HCRTR2: variants seen among roughly 807,000 people sequenced by gnomAD.
HCRTR2 encodes orexin receptor type 2.
A neutral mutation model predicts 49.0 loss-of-function variants in HCRTR2; 22 were observed. That is an observed-to-expected ratio of 0.45 (90% CI 0.32 to 0.64). The LOEUF (loss-of-function observed/expected upper bound fraction) is 0.64. HCRTR2 is among the 30% of genes least tolerant of loss of function. The pLI is 0.04. For synonymous variants in HCRTR2, 236 were observed against 205.3 expected, an observed-to-expected ratio of 1.15 and a Z score of -1.28; for missense variants, 491 against 559.4, an observed-to-expected ratio of 0.88 and a Z score of 1.23.
At chr6:55,240,049 T>A (rs1766295032) in intron 1 of HCRTR2, among the ~76,000 whole-genome samples, 1 of 151,942 alleles carries the variant, frequency 6.6e-6, no homozygotes, top group Non-Finnish European at 1.5e-5. Context: ...AGTGCCGGGA[T>A]TACAGGTGTG....
chr6:55,157,688 A>C (rs1396586579), intron 1 of HCRTR2, among the ~76,000 whole-genome samples: 1 of 152,212 alleles, frequency 6.6e-6, no homozygotes, highest in Admixed American at 6.5e-5. Flanking sequence ...GCAAAGAGAG[A>C]GTGACTCTGT....
intron 1 of HCRTR2, among the ~76,000 whole-genome samples, chr6:55,211,422 T>C (rs80116551): frequency 0.011 from 1,702 of 152,306 alleles, 34 homozygotes; most frequent in African/African-American, 0.039. Context: ...GGAATTAATA[T>C]GCTGCTCAGT....
chr6:55,142,857 G>A (rs920218214), intron 1 of HCRTR2, among the ~76,000 whole-genome samples: 3 of 150,872 alleles, frequency 2.0e-5, no homozygotes, highest in Admixed American at 6.6e-5. Context: ...GTGGTCAACA[G>A]AAAAAAAAAT....
intron 1 of HCRTR2, among the ~76,000 whole-genome samples, chr6:55,127,128 AT>A (rs1195797946): frequency 1.3e-5 from 2 of 152,028 alleles, no homozygotes; most frequent in Non-Finnish European, 1.5e-5. Flanking sequence ...GGAAAAAAAA[AT>A]TTCTGCAGCT....
At chr6:55,250,618 AG>A (rs1175747877) in intron 2 of HCRTR2, among the ~76,000 whole-genome samples, 1 of 152,182 alleles carries the variant, frequency 6.6e-6, no homozygotes, top group African/African-American at 2.4e-5. Flanking sequence ...TCTGCAGAGC[AG>A]GCATCTCAGA....
intron 1 of HCRTR2, among the ~76,000 whole-genome samples, chr6:55,200,262 TG>T (rs1443235705): frequency 6.0e-5 from 9 of 151,240 alleles, no homozygotes; most frequent in African/African-American, 1.7e-4. Flanking sequence ...TGTGTGTGTG[TG>T]TGTGTGTGTG....
intron 1 of HCRTR2, among the ~76,000 whole-genome samples, chr6:55,133,662 C>CT (rs892615222): frequency 8.0e-4 from 119 of 148,778 alleles, no homozygotes; most frequent in Admixed American, 2.5e-3. Context: ...ATCTATCTAT[C>CT]ATCTATCTAT....
intron 4 of HCRTR2, among the ~76,000 whole-genome samples, chr6:55,272,946 T>C (rs1767002716): frequency 6.8e-6 from 1 of 146,928 alleles, no homozygotes; most frequent in Non-Finnish European, 1.5e-5. Context: ...GCAGGAGGCA[T>C]AGTGAGAAGA....
chr6:55,227,099 G>A (rs1186007466), intron 1 of HCRTR2, among the ~76,000 whole-genome samples: 1 of 151,622 alleles, frequency 6.6e-6, no homozygotes, highest in Admixed American at 6.6e-5. Flanking sequence ...TCTGTTACTT[G>A]GATTCATTAC....
intron 3 of HCRTR2, among the ~76,000 whole-genome samples, chr6:55,259,531 T>A (rs1241327754): frequency 6.6e-6 from 1 of 150,906 alleles, no homozygotes; most frequent in Non-Finnish European, 1.5e-5. Flanking sequence ...GATAACATGC[T>A]GGCTGAATAA....
At chr6:55,260,339 C>A (rs1766731289) in intron 3 of HCRTR2, among the ~76,000 whole-genome samples, 1 of 152,168 alleles carries the variant, frequency 6.6e-6, no homozygotes, top group Admixed American at 6.6e-5. Context: ...TCTTAGGTGC[C>A]TGGGAAGTGC....
intron 1 of HCRTR2, among the ~76,000 whole-genome samples, chr6:55,165,422 A>G (rs1263837178): frequency 2.0e-5 from 3 of 152,088 alleles, no homozygotes; most frequent in Non-Finnish European, 4.4e-5. Flanking sequence ...ATAATTGGGT[A>G]TGCAAAAAAT....
upstream of HCRTR2, chr6:55,174,432 T>C: frequency 1.4e-6 from 1 of 712,354 alleles, no homozygotes; most frequent in Non-Finnish European, 2.5e-6. Context: ...GGCAGAAGAC[T>C]CCGGAGGCAT....
At position 55,183,767 on chromosome 6, in the gene HCRTR2, A is replaced by G. The variant is rs187130783; in HGVS notation, c.223+8957A>G. On this transcript the variant is annotated intron_variant, in intron 1 of 6. Transcript: ENST00000370862. Reference sequence around the variant, plus strand: ...AATTCTCCAGATAATTACTTCCAGGAGGCTTTCTACGTGCTGCATACAAAA... The same window carrying G: ...AATTCTCCAGATAATTACTTCCAGGGGGCTTTCTACGTGCTGCATACAAAA... Among the ~76,000 whole-genome samples the G allele has an allele frequency of 2.5e-3, 377 of 152,312 alleles. 6 individuals are homozygous for G. The highest frequency in any genetic ancestry group is 0.023 in the Admixed American group (349 of 15,300).
chr6:55,229,002 T>C (rs1766063211), intron 1 of HCRTR2, among the ~76,000 whole-genome samples: 2 of 152,148 alleles, frequency 1.3e-5, no homozygotes, highest in African/African-American at 4.8e-5. Context: ...TTACTGTGCA[T>C]GTGGACGAGG....
At chr6:55,163,206 C>T (rs1581801775) in intron 1 of HCRTR2, among the ~76,000 whole-genome samples, 1 of 151,782 alleles carries the variant, frequency 6.6e-6, no homozygotes, top group African/African-American at 2.4e-5. Flanking sequence ...CACTGCACTC[C>T]AGCCTGAGTG....
Position 55,174,786 on chromosome 6 carries a change from G to A in HCRTR2, c.199G>A (p.Val67Met), listed in dbSNP as rs747025393. 6.8e-6 allele frequency: 11 copies of A among 1,613,874 alleles called. No individual in the cohort carries two copies. Among genetic ancestry groups the A allele is most frequent in the Non-Finnish European group, 8.5e-6 (10 of 1,179,994 alleles). Residue 67 changes from valine to methionine, a missense_variant, in exon 1 of 7, where the codon GTG (valine) becomes ATG (methionine). Coordinates refer to ENST00000370862, the MANE Select transcript of HCRTR2 (RefSeq NM_001384272.1). ...LIAGYIIVFV[V>M]ALIGNVLVCV... ...CGCCGGGTACATCATCGTGTTCGTC[G>A]TGGCTCTCATTGGGAACGTCCTGGG...
At chr6:55,130,492 T>C (rs1764340829) in intron 1 of HCRTR2, among the ~76,000 whole-genome samples, 1 of 151,760 alleles carries the variant, frequency 6.6e-6, no homozygotes, top group African/African-American at 2.4e-5. Context: ...TATCATCACC[T>C]GTCACATGGG....
At chr6:55,236,445 A>G (rs904691819) in intron 1 of HCRTR2, among the ~76,000 whole-genome samples, 1 of 152,044 alleles carries the variant, frequency 6.6e-6, no homozygotes. Flanking sequence ...ATTCTTTCAC[A>G]CTTAATAAGT....
Sources: gnomAD v4.1 joint callset for allele counts (sites outside exome capture counted in the v4.1 genomes callset) on GRCh38, gnomAD v4.1.1 for gene constraint, MANE v1.5 for transcripts, NCBI Gene and HGNC (gene_info 2026-07-23, HGNC 2026-07-21) for gene names.